Variants in GPC5 observed in about 807,000 individuals in gnomAD.
The protein encoded by GPC5 is glypican 5, also known as glypican-5.
In GPC5, 47 loss-of-function variants were observed where a neutral mutation model predicts 53.9. The ratio of observed to expected loss-of-function variants is 0.87; its 90% confidence interval spans 0.69 to 1.11. The LOEUF (loss-of-function observed/expected upper bound fraction) is 1.11, where lower values mean the gene tolerates loss of function less well. Among genes scored for constraint, GPC5 ranks in the 50% most tolerant of loss-of-function variants. GPC5 has a pLI of 0.00. For synonymous variants in GPC5, 286 were observed against 263.3 expected (o/e 1.09, Z -0.84); for missense variants, 748 against 713.1 (o/e 1.05, Z -0.56).
intron 7 of GPC5, among the ~76,000 whole-genome samples, chr13:92,774,895 A>T (rs754829605): frequency 7.9e-5 from 12 of 152,160 alleles, no homozygotes; most frequent in Non-Finnish European, 1.6e-4. Flanking sequence ...TAACATACTA[A>T]AAAAAGATTA....
In GPC5 at chr13:92,125,900, T is replaced by C. The variant is rs1485139780; in HGVS notation, c.1402-18930T>C. 2.1e-5 allele frequency among the ~76,000 whole-genome samples: 3 copies of C among 145,488 alleles called. No individual in the cohort carries two copies. The East Asian group carries it at 6.2e-4, about 30-fold the overall frequency. On this transcript the variant is annotated intron_variant, in intron 6 of 7. Coordinates refer to ENST00000377067, the MANE Select transcript of GPC5 (RefSeq NM_004466.6). ...GATAGTAACATGTAAAGATTAGCATTAGAAAGGAAACATTTGTTTTTTGGT... is the reference window on the plus strand; with the variant it reads ...GATAGTAACATGTAAAGATTAGCATCAGAAAGGAAACATTTGTTTTTTGGT...
intron 6 of GPC5, among the ~76,000 whole-genome samples, chr13:92,086,886 T>C (rs999580371): frequency 6.6e-6 from 1 of 152,188 alleles, no homozygotes; most frequent in African/African-American, 2.4e-5. Context: ...CTTGAACTCC[T>C]GACCTCAGGT....
chr13:92,617,406 A>G (rs1460319402), intron 7 of GPC5, among the ~76,000 whole-genome samples: 1 of 152,074 alleles, frequency 6.6e-6, no homozygotes, highest in Non-Finnish European at 1.5e-5. Flanking sequence ...TTTACTATAG[A>G]TTTCTGCTCT....
chr13:91,520,385 C>A (rs1199354158), intron 2 of GPC5, among the ~76,000 whole-genome samples: 1 of 152,134 alleles, frequency 6.6e-6, no homozygotes, highest in African/African-American at 2.4e-5. Flanking sequence ...ATGTTTTGGA[C>A]ATGATTGACA....
chr13:92,006,062 CA>C (rs1424296130), intron 6 of GPC5, among the ~76,000 whole-genome samples: 1 of 152,168 alleles, frequency 6.6e-6, no homozygotes, highest in Non-Finnish European at 1.5e-5. Context: ...CTAATGTTGT[CA>C]CTTGGAGAAA....
At chr13:92,670,088 C>T (rs1050325510) in intron 7 of GPC5, among the ~76,000 whole-genome samples, 2 of 152,160 alleles carry the variant, frequency 1.3e-5, no homozygotes, top group African/African-American at 4.8e-5. Flanking sequence ...CAGTCCTTAG[C>T]ATATGGCTGG....
intron 7 of GPC5, among the ~76,000 whole-genome samples, chr13:92,443,320 T>C (rs143042956): frequency 5.3e-4 from 81 of 152,272 alleles, no homozygotes; most frequent in African/African-American, 1.9e-3. Context: ...ATGTCTAACA[T>C]GGGGGATCAT....
At chr13:91,895,598 C>T (rs1163423659) in intron 5 of GPC5, among the ~76,000 whole-genome samples, 3 of 151,580 alleles carry the variant, frequency 2.0e-5, no homozygotes, top group Non-Finnish European at 2.9e-5. Flanking sequence ...TTGGCCTTCC[C>T]GGCTCTGTTG....
Position 91,756,377 on chromosome 13 carries a change from G to A in GPC5, c.1237G>A (p.Ala413Thr). The change falls in exon 5 of 8, where the codon GCA becomes ACA. Residue 413 changes from alanine to threonine, a missense_variant. Physicochemically the swap from Ala to Thr is moderately conservative, Grantham distance 58. Transcript: ENST00000377067. ...DQLCANELAAADGLPCWNGED... is the reference protein window; with the variant it reads ...DQLCANELAATDGLPCWNGED... ...GCTTTGTGCTAATGAATTAGCTGCT[G>A]CAGATGGACTTCCCTGCTGGAATGG... is the stretch of plus-strand genomic sequence containing the variant. The A allele has an allele frequency of 1.3e-6, 2 of 1,594,150 alleles. No individual in the cohort carries two copies. The highest frequency in any genetic ancestry group is 1.7e-6 in the Non-Finnish European group (2 of 1,165,514).
chr13:91,481,082 C>T (rs965268180), intron 2 of GPC5, among the ~76,000 whole-genome samples: 1 of 152,008 alleles, frequency 6.6e-6, no homozygotes, highest in Non-Finnish European at 1.5e-5. Context: ...CTTCTTTCTT[C>T]ATAAGCTCAT....
chr13:92,830,344 T>C (rs1878007929), intron 7 of GPC5, among the ~76,000 whole-genome samples: 1 of 152,160 alleles, frequency 6.6e-6, no homozygotes, highest in Admixed American at 6.6e-5. Context: ...CTTTACAATA[T>C]GCTTTTACAT....
intron 6 of GPC5, among the ~76,000 whole-genome samples, chr13:92,030,801 TG>T (rs1428357450): frequency 6.6e-6 from 1 of 152,198 alleles, no homozygotes; most frequent in Non-Finnish European, 1.5e-5. Context: ...TGGCGTCTCC[TG>T]TTTTGGGGTG....
chr13:91,575,832 A>G (rs570393380), intron 2 of GPC5, among the ~76,000 whole-genome samples: 2 of 152,278 alleles, frequency 1.3e-5, no homozygotes, highest in Non-Finnish European at 2.9e-5. Flanking sequence ...CCATACATTT[A>G]AAAAACTTTT....
intron 6 of GPC5, among the ~76,000 whole-genome samples, chr13:92,027,495 G>A (rs1041568008): frequency 1.3e-5 from 2 of 152,162 alleles, no homozygotes; most frequent in African/African-American, 2.4e-5. Context: ...GACCTTAAGT[G>A]AGGACATTCT....
chr13:92,746,858 G>A (rs1434153758), intron 7 of GPC5, among the ~76,000 whole-genome samples: 1 of 152,096 alleles, frequency 6.6e-6, no homozygotes, highest in African/African-American at 2.4e-5. Flanking sequence ...TCTGACAAAT[G>A]CATCATTAGG....
chr13:92,410,174 A>T (rs1875980701), intron 7 of GPC5, among the ~76,000 whole-genome samples: 1 of 152,190 alleles, frequency 6.6e-6, no homozygotes, highest in Non-Finnish European at 1.5e-5. Context: ...GGTACAGAGA[A>T]GCAATGTAGA....
intron 6 of GPC5, among the ~76,000 whole-genome samples, chr13:92,052,795 A>G (rs566833908): frequency 6.6e-6 from 1 of 152,290 alleles, no homozygotes; most frequent in East Asian, 1.9e-4. Flanking sequence ...ATACAGCAAG[A>G]GATTCTCAGA....
At chr13:91,424,161 A>G (rs1360345581) in intron 1 of GPC5, among the ~76,000 whole-genome samples, 1 of 152,118 alleles carries the variant, frequency 6.6e-6, no homozygotes, top group Non-Finnish European at 1.5e-5. Context: ...ACTGTAGTGG[A>G]TCAGGATAGG....
chr13:92,774,953 T>A (rs1195484126), intron 7 of GPC5, among the ~76,000 whole-genome samples: 2 of 152,214 alleles, frequency 1.3e-5, no homozygotes, highest in Non-Finnish European at 2.9e-5. Flanking sequence ...AATTAACTTT[T>A]CTTTTATGTG....
Sources: allele counts gnomAD v4.1 joint callset (sites outside exome capture counted in the v4.1 genomes callset), GRCh38; gene constraint gnomAD v4.1.1; transcripts MANE v1.5; gene names NCBI Gene and HGNC (gene_info 2026-07-23, HGNC 2026-07-21).